PCDH7: variants seen among roughly 807,000 people sequenced by gnomAD.
PCDH7 encodes protocadherin-7.
Under a neutral mutation model 58.9 loss-of-function variants are expected in PCDH7, and 17 were observed. That is an observed-to-expected ratio of 0.29 (90% CI 0.20 to 0.43). The LOEUF (loss-of-function observed/expected upper bound fraction) is 0.43. PCDH7 is among the 20% of genes least tolerant of loss of function. The pLI is 1.00. For missense variants in PCDH7, 1,274 were observed against 1,441.0 expected (o/e 0.88, Z 1.88); for synonymous variants, 664 against 616.4 (o/e 1.08, Z -1.14).
intron 1 of PCDH7, among the ~76,000 whole-genome samples, chr4:30,851,867 T>C (rs182905331): frequency 3.9e-5 from 6 of 152,202 alleles, no homozygotes; most frequent in Non-Finnish European, 1.5e-5. Context: ...AAATTATAAT[T>C]TACATTCATT....
chr4:30,981,127 G>C (rs551139183), intron 3 of PCDH7, among the ~76,000 whole-genome samples: 11 of 152,290 alleles, frequency 7.2e-5, no homozygotes, highest in African/African-American at 2.6e-4. Context: ...AAGGCGTGAG[G>C]CACTGCGCCT....
intron 3 of PCDH7, among the ~76,000 whole-genome samples, chr4:30,959,851 A>G (rs1748214460): frequency 6.6e-6 from 1 of 151,998 alleles, no homozygotes; most frequent in Admixed American, 6.6e-5. Flanking sequence ...AATAATTGAG[A>G]GCTTCCATTT....
At position 31,093,736 on chromosome 4, in the gene PCDH7, G is replaced by A. The variant is rs552110760; in HGVS notation, c.*8-48737G>A. Among the ~76,000 whole-genome samples the A allele has an allele frequency of 4.2e-4, 64 of 152,128 alleles. No individual in the cohort carries two copies. In the South Asian group the frequency reaches 4.8e-3, roughly 11 times the overall value. On this transcript the variant is annotated intron_variant, in intron 3 of 3. Coordinates refer to the PCDH7 transcript ENST00000509759. Reference sequence around the variant, plus strand: ...TCCTATAATCAATTTAATAATTCTTGGATCTTGGAGAAGTTATACGTTGAA... The same window carrying A: ...TCCTATAATCAATTTAATAATTCTTAGATCTTGGAGAAGTTATACGTTGAA...
intron 1 of PCDH7, among the ~76,000 whole-genome samples, chr4:30,881,401 A>G (rs888577502): frequency 6.6e-6 from 1 of 152,120 alleles, no homozygotes. Context: ...CCTTACTACA[A>G]GAAGGGAGGA....
At chr4:31,112,536 A>T (rs909794041) in intron 3 of PCDH7, among the ~76,000 whole-genome samples, 2 of 152,184 alleles carry the variant, frequency 1.3e-5, no homozygotes, top group Non-Finnish European at 2.9e-5. Context: ...ACCTATCAAT[A>T]CTGTATGTTC....
intron 3 of PCDH7, among the ~76,000 whole-genome samples, chr4:31,141,534 C>A (rs966602297): frequency 6.6e-6 from 1 of 152,200 alleles, no homozygotes; most frequent in Admixed American, 6.5e-5. Context: ...AAATACATAA[C>A]CATTCTCCAA....
At chr4:30,885,690 C>A (rs1454702969) in intron 1 of PCDH7, among the ~76,000 whole-genome samples, 4 of 152,114 alleles carry the variant, frequency 2.6e-5, no homozygotes, top group Non-Finnish European at 4.4e-5. Context: ...AAGAACAAAG[C>A]TGGAGGCATC....
intron 1 of PCDH7, among the ~76,000 whole-genome samples, chr4:30,816,955 T>C (rs996152902): frequency 1.3e-5 from 2 of 152,194 alleles, no homozygotes; most frequent in African/African-American, 4.8e-5. Context: ...TAGTATCTAT[T>C]CTTGCATCAC....
chr4:30,821,380 T>A (rs1728355037), intron 1 of PCDH7, among the ~76,000 whole-genome samples: 1 of 152,188 alleles, frequency 6.6e-6, no homozygotes, highest in African/African-American at 2.4e-5. Context: ...AGGAAAGGGG[T>A]CATCCCCATT....
chr4:30,932,396 A>G (rs1560512467), intron 2 of PCDH7, among the ~76,000 whole-genome samples: 1 of 152,138 alleles, frequency 6.6e-6, no homozygotes, highest in Non-Finnish European at 1.5e-5. Flanking sequence ...GTTGTTTTTA[A>G]CCTAAAGAAA....
intron 1 of PCDH7, among the ~76,000 whole-genome samples, chr4:30,728,304 G>T (rs918742867): frequency 0.011 from 1,593 of 150,108 alleles, 13 homozygotes; most frequent in East Asian, 0.02. Flanking sequence ...TATAGAGAGA[G>T]AGAGAGAGAG....
At chr4:30,724,369 G>C (rs757764562) in exon 1 of PCDH7, 5 of 1,614,082 alleles carry the variant, frequency 3.1e-6, no homozygotes, top group South Asian at 1.1e-5. Flanking sequence ...ATACAGGTCC[G>C]TTAATGGTGG....
intron 3 of PCDH7, among the ~76,000 whole-genome samples, chr4:31,024,597 A>C (rs1462249940): frequency 1.3e-5 from 2 of 152,164 alleles, no homozygotes; most frequent in Non-Finnish European, 2.9e-5. Context: ...CCAATTTATC[A>C]CATTTATTTT....
intron 1 of PCDH7, among the ~76,000 whole-genome samples, chr4:30,760,795 G>C (rs1719924297): frequency 6.6e-6 from 1 of 152,156 alleles, no homozygotes; most frequent in Non-Finnish European, 1.5e-5. Context: ...ATTTCCTTGA[G>C]TTTTGACTTC....
chr4:30,781,311 T>A (rs1407203266), intron 1 of PCDH7, among the ~76,000 whole-genome samples: 2 of 151,212 alleles, frequency 1.3e-5, no homozygotes, highest in East Asian at 4.0e-4. Flanking sequence ...TGGCTAATTT[T>A]TTGTATTTTT....
chr4:31,006,647 AT>A (rs927959745), intron 3 of PCDH7, among the ~76,000 whole-genome samples: 4 of 152,058 alleles, frequency 2.6e-5, no homozygotes, highest in African/African-American at 9.7e-5. Context: ...AATCCCAGCA[AT>A]TTTGGATGCT....
chr4:30,918,380 A>G (rs907727586), intron 1 of PCDH7, among the ~76,000 whole-genome samples: 4 of 152,124 alleles, frequency 2.6e-5, no homozygotes, highest in African/African-American at 9.7e-5. Context: ...ATGCACACAC[A>G]GGTAAAAATG....
At chr4:30,881,681 G>C (rs2109371454) in intron 1 of PCDH7, among the ~76,000 whole-genome samples, 1 of 152,218 alleles carries the variant, frequency 6.6e-6, no homozygotes, top group African/African-American at 2.4e-5. Flanking sequence ...AAATTGAAAA[G>C]TGCTTTCAAT....
chr4:31,091,212 A>G (rs1713204846), intron 3 of PCDH7, among the ~76,000 whole-genome samples: 1 of 151,988 alleles, frequency 6.6e-6, no homozygotes, highest in Admixed American at 6.6e-5. Flanking sequence ...ACTGACTGAT[A>G]GATGCATCCA....
Sources: allele counts gnomAD v4.1 joint callset (sites outside exome capture counted in the v4.1 genomes callset), GRCh38; gene constraint gnomAD v4.1.1; transcripts MANE v1.5; gene names NCBI Gene and HGNC (gene_info 2026-07-23, HGNC 2026-07-21).